ZNF12: variants seen among roughly 807,000 people sequenced by gnomAD.
ZNF12 encodes the protein zinc finger protein 12.
A neutral mutation model predicts 66.6 loss-of-function variants in ZNF12; 34 were observed. That is an observed-to-expected ratio of 0.51 (90% CI 0.39 to 0.68). The LOEUF (loss-of-function observed/expected upper bound fraction) is 0.68, where lower values mean the gene tolerates loss of function less well. Among genes scored for constraint, ZNF12 ranks in the 30% least tolerant of loss-of-function variants. The probability of loss-of-function intolerance (pLI) is 0.00; values close to 1 mark genes in which losing one functional copy is unlikely to be tolerated. For missense variants in ZNF12, 697 were observed against 826.9 expected (o/e 0.84, Z 1.93); for synonymous variants, 320 against 278.9 (o/e 1.15, Z -1.47).
chr7:6,692,606 C>G lies in ZNF12; in HGVS notation c.336G>C (p.Glu112Asp). The G allele has an allele frequency of 6.2e-7, 1 of 1,613,862 alleles. No individual in the cohort carries two copies. The highest frequency in any genetic ancestry group is 8.5e-7 in the Non-Finnish European group (1 of 1,179,832). ...QTVFIETLIE[E>D]RGNVPGKTFD... ...AAGTTTTACCAGGAACATTACCTCT[C>G]TCTTCAATCAGGGTCTCAATGAACA... Residue 112 changes from glutamate to aspartate, a missense_variant, in exon 5 of 5, where the codon GAG becomes GAC. Transcript: ENST00000405858. This position sits in a 1 kb window ranked among gnomAD's most constrained non-coding sequence, Gnocchi z 5.1.
rs560885049 is a variant in ZNF12 at position 6,689,525 on chromosome 7, C to T, written c.*1323G>A. The T allele has an allele frequency of 2.3e-4, 35 of 152,574 alleles. 1 individual carries two copies. The highest frequency in any genetic ancestry group is 8.2e-4 in the African/African-American group (34 of 41,586). The allele number at this position is 152,574 out of a possible 1,614,324, so 9.5% of individuals were successfully genotyped here. On this transcript the variant is annotated 3_prime_UTR_variant, in exon 5 of 5. Transcript: ENST00000405858. ...TTAAAACTAATCAGGATTTATCTCA[C>T]TTCCTTTTGAGGATAAATGGATAAC... is the stretch of plus-strand genomic sequence containing the variant.
chr7:6,701,976 C>T (rs1417356507), intron 2 of ZNF12, among the ~76,000 whole-genome samples: 2 of 149,012 alleles, frequency 1.3e-5, no homozygotes, highest in Admixed American at 1.3e-4. Flanking sequence ...AAAAAATTCT[C>T]AATAGACCAA....
rs192231845 is a variant in ZNF12, at chr7:6,698,090, T to C, written c.16-279A>G. ...AACTCTTAACACCAGCAGGGACGAA[T>C]CTCACCCCTGAGGAGCACAGGCCTG... is the stretch of plus-strand genomic sequence containing the variant. On this transcript the variant is annotated intron_variant, in intron 2 of 4. Transcript: ENST00000405858. The surrounding 1 kb of genome is among the most constrained non-coding windows in gnomAD (Gnocchi z 4.4). The C allele has an allele frequency of 5.4e-5, 34 of 624,464 alleles. No homozygotes were observed. In the African/African-American group the frequency reaches 5.5e-4, roughly 10 times the overall value. The allele number at this position is 624,464 out of a possible 1,614,324, so 38.7% of individuals were successfully genotyped here. A position where few individuals can be genotyped will look rare whatever the true frequency, so the allele number is the denominator to read the frequency against.
At position 6,696,845 on chromosome 7, in the gene ZNF12, T is replaced by C. The variant is rs1054885412; in HGVS notation, c.238+494A>G. Among the ~76,000 whole-genome samples, 2 of 151,856 alleles carry C rather than the reference T, an allele frequency of 1.3e-5. No individual in the cohort carries two copies. The highest frequency in any genetic ancestry group is 2.4e-5 in the African/African-American group (1 of 41,342). ...CTGTCCAATGAAGCACAGGTGCACA[T>C]GACAAGTAGCAGGATCCACTGGCTT... On this transcript the variant is annotated intron_variant, in intron 4 of 4. Coordinates refer to ENST00000405858, the MANE Select transcript of ZNF12 (RefSeq NM_016265.4). The surrounding 1 kb of genome is among the most constrained non-coding windows in gnomAD (Gnocchi z 4.0).
rs144461280 is a variant in ZNF12 at position 6,706,606 on chromosome 7, C to G, written c.-225G>C. On this transcript the variant is annotated 5_prime_UTR_variant, in exon 1 of 5. Coordinates refer to ENST00000405858, the MANE Select transcript of ZNF12 (RefSeq NM_016265.4). ...ACAAATCCAGGCGGGGCGTCCCTCC[C>G]GGAGCCCAGATCCGTCTCCCTGGGG... 1 of 453,726 alleles carries G rather than the reference C, an allele frequency of 2.2e-6. No individual in the cohort carries two copies. Among genetic ancestry groups the G allele is most frequent in the Non-Finnish European group, 4.4e-6 (1 of 226,406 alleles). 28.1% of individuals were successfully genotyped at this position (453,726 alleles called of 1,614,324 possible). A position where few individuals can be genotyped will look rare whatever the true frequency, so the allele number is the denominator to read the frequency against.
intron 2 of ZNF12, among the ~76,000 whole-genome samples, chr7:6,702,461 A>ACACACACACC (rs1281824693): frequency 3.3e-5 from 2 of 60,134 alleles, no homozygotes; most frequent in African/African-American, 7.0e-5. Flanking sequence ...CAAACTCCAC[A>ACACACACACC]CGCACCAGAT....
Position 6,691,549 on chromosome 7 carries a change from AG to A in ZNF12, c.1392del (p.Tyr465MetfsTer12). On this transcript the variant is annotated frameshift_variant, in exon 5 of 5. Transcript: ENST00000405858. LOFTEE classifies it high-confidence loss of function. ...GTTTTTCCACATTCATTACATTCAT[AG>A]GGTTTCTCTCCTGAATGAGTTCTAT... The part of the protein sequence containing the change: ...VHYRTHSGEK[P>X]YECNECGKTF... 6.2e-7 allele frequency: 1 copy of A among 1,614,164 alleles called. No individual in the cohort carries two copies. The highest frequency in any genetic ancestry group is 8.5e-7 in the Non-Finnish European group (1 of 1,180,002).
chr7:6,706,150 G>A (rs1263220319), intron 1 of ZNF12, among the ~76,000 whole-genome samples: 2 of 152,212 alleles, frequency 1.3e-5, no homozygotes, highest in Non-Finnish European at 2.9e-5. Flanking sequence ...TGAGAGAACA[G>A]AGGTGCTGAC....
In ZNF12 at chr7:6,697,883, C is replaced by A. The variant is rs2115351342; in HGVS notation, c.16-72G>T. 6.4e-7 allele frequency: 1 copy of A among 1,557,642 alleles called. No homozygotes were observed. Among genetic ancestry groups the A allele is most frequent in the Non-Finnish European group, 8.8e-7 (1 of 1,130,372 alleles). On this transcript the variant is annotated intron_variant, in intron 2 of 4. Transcript: ENST00000405858. This position sits in a 1 kb window ranked among gnomAD's most constrained non-coding sequence, Gnocchi z 6.1. The stretch of plus-strand genomic sequence containing the variant: ...TAGGTACAAGATCTTAGCATGCTCA[C>A]TGGCAAAATTAACCATGAACACTGT...
At position 6,697,275 on chromosome 7, in the gene ZNF12, T is replaced by C; in HGVS notation, c.238+64A>G. On this transcript the variant is annotated intron_variant, in intron 4 of 4. Coordinates refer to ENST00000405858, the MANE Select transcript of ZNF12 (RefSeq NM_016265.4). The surrounding 1 kb of genome is among the most constrained non-coding windows in gnomAD (Gnocchi z 6.1). ...AGTCACTTCTAAAGGTTCGGGACCATTAAAAAATCCCTGGGAAAAACACTC... is the reference window on the plus strand; with the variant it reads ...AGTCACTTCTAAAGGTTCGGGACCACTAAAAAATCCCTGGGAAAAACACTC... 3 of 1,326,702 alleles carry C rather than the reference T, an allele frequency of 2.3e-6. No homozygotes were observed. Among genetic ancestry groups the C allele is most frequent in the Non-Finnish European group, 3.2e-6 (3 of 946,352 alleles). 82.2% of individuals were successfully genotyped at this position (1,326,702 alleles called of 1,614,324 possible).
At chr7:6,704,880 C>T (rs1023709381) in intron 2 of ZNF12, among the ~76,000 whole-genome samples, 2 of 151,212 alleles carry the variant, frequency 1.3e-5, no homozygotes, top group African/African-American at 2.4e-5. Flanking sequence ...ATTCTGCTTA[C>T]GGTCAATGTA....
intron 4 of ZNF12, among the ~76,000 whole-genome samples, chr7:6,693,428 G>A (rs1351379756): frequency 6.6e-6 from 1 of 152,222 alleles, no homozygotes; most frequent in Non-Finnish European, 1.5e-5. Flanking sequence ...AGTCCACAGA[G>A]CTATAGGCTT....
rs1165689651 is a variant in ZNF12 at position 6,696,175 on chromosome 7, C to T, written c.238+1164G>A. On this transcript the variant is annotated intron_variant, in intron 4 of 4. Coordinates refer to ENST00000405858, the MANE Select transcript of ZNF12 (RefSeq NM_016265.4). The surrounding 1 kb of genome is among the most constrained non-coding windows in gnomAD (Gnocchi z 4.0). ...GACTCATAGCATGACAGCATCTAGT[C>T]TTTGTTTACATTAAGTCAAAGGAAA... Among the ~76,000 whole-genome samples the T allele has an allele frequency of 6.6e-6, 1 of 152,114 alleles. No homozygotes were observed. The highest frequency in any genetic ancestry group is 2.4e-5 in the African/African-American group (1 of 41,424).
chr7:6,706,227 G>C (rs73331249), intron 1 of ZNF12, among the ~76,000 whole-genome samples: 16,119 of 152,182 alleles, frequency 0.11, 1,743 homozygotes, highest in African/African-American at 0.28. Flanking sequence ...TGAGGGGGGA[G>C]TGGAGACAAC....
In ZNF12 at chr7:6,697,581, A is replaced by G; in HGVS notation, c.142+104T>C. On this transcript the variant is annotated intron_variant, in intron 3 of 4. Coordinates refer to ENST00000405858, the MANE Select transcript of ZNF12 (RefSeq NM_016265.4). This position sits in a 1 kb window ranked among gnomAD's most constrained non-coding sequence, Gnocchi z 6.1. ...ACCAAAATGCCCTGCCTGGTGCCCAAAAACAGATTACTCACATTCGTCCCA... is the reference window on the plus strand; with the variant it reads ...ACCAAAATGCCCTGCCTGGTGCCCAGAAACAGATTACTCACATTCGTCCCA... 6 of 1,566,852 alleles carry G rather than the reference A, an allele frequency of 3.8e-6. No individual in the cohort carries two copies. The highest frequency in any genetic ancestry group is 5.2e-6 in the Non-Finnish European group (6 of 1,150,168).
At position 6,705,345 on chromosome 7, in the gene ZNF12, T is replaced by C; in HGVS notation, c.-50-122A>G. The C allele has an allele frequency of 1.5e-6, 1 of 676,094 alleles. No homozygotes were observed. Among genetic ancestry groups the C allele is most frequent in the South Asian group, 1.8e-5 (1 of 54,410 alleles). 41.9% of individuals were successfully genotyped at this position (676,094 alleles called of 1,614,324 possible). A position where few individuals can be genotyped will look rare whatever the true frequency, so the allele number is the denominator to read the frequency against. On this transcript the variant is annotated intron_variant, in intron 1 of 4. Coordinates refer to ENST00000405858, the MANE Select transcript of ZNF12 (RefSeq NM_016265.4). This position sits in a 1 kb window ranked among gnomAD's most constrained non-coding sequence, Gnocchi z 4.0. ...TACATCTTGTGGGAGACTGTCCCTT[T>C]AAGCCTTCAGAAGGGATTGGAAAAT...
chr7:6,699,441 GCTGCTGA>G, intron 2 of ZNF12, among the ~76,000 whole-genome samples: 1 of 152,216 alleles, frequency 6.6e-6, no homozygotes. Flanking sequence ...AGAGTGTCCA[GCTGCTGA>G]TGGGACACAC....
rs564263827 is a variant in ZNF12 at position 6,698,291 on chromosome 7, T to C, written c.16-480A>G. ...TGAATGTTGTGGGCCTACGGCTGTC[T>C]TGAGTCTTTTTCTCTTTGCTGTCTG... On this transcript the variant is annotated intron_variant, in intron 2 of 4. Transcript: ENST00000405858. This position sits in a 1 kb window ranked among gnomAD's most constrained non-coding sequence, Gnocchi z 4.4. Among the ~76,000 whole-genome samples the C allele has an allele frequency of 5.6e-4, 86 of 152,270 alleles. No individual in the cohort carries two copies. Among genetic ancestry groups the C allele is most frequent in the African/African-American group, 1.9e-3 (79 of 41,548 alleles).
chr7:6,703,178 C>T (rs902072948), intron 2 of ZNF12, among the ~76,000 whole-genome samples: 3 of 152,174 alleles, frequency 2.0e-5, no homozygotes, highest in Non-Finnish European at 2.9e-5. Flanking sequence ...CACAGTCTTC[C>T]CCATCCCAGC....
Sources: allele counts gnomAD v4.1 joint callset (sites outside exome capture counted in the v4.1 genomes callset), GRCh38; gene constraint gnomAD v4.1.1; non-coding constraint Gnocchi (gnomAD v3.1); transcripts MANE v1.5; gene names NCBI Gene and HGNC (gene_info 2026-07-23, HGNC 2026-07-21).